The following MIB1 variants were observed in gnomAD, a reference collection of about 807,000 sequenced individuals.
The protein encoded by MIB1 is E3 ubiquitin-protein ligase MIB1.
MIB1 carries 278 observed loss-of-function variants against 124.5 expected under a neutral mutation model. The ratio of observed to expected loss-of-function variants is 2.23; its 90% CI spans 2.02 to 2.47. The LOEUF (loss-of-function observed/expected upper bound fraction) is 2.47, where lower values mean the gene tolerates loss of function less well. MIB1 is among the 30% of genes most tolerant of loss of function. The pLI is 0.00. For missense variants in MIB1, 957 were observed against 1,254.4 expected, an observed-to-expected ratio of 0.76 and a Z score of 3.58; for synonymous variants, 446 against 429.4, an observed-to-expected ratio of 1.04 and a Z score of -0.48.
intron 15 of MIB1, among the ~76,000 whole-genome samples, chr18:21,846,072 T>A (rs1318069501): frequency 6.6e-6 from 1 of 152,240 alleles, no homozygotes; most frequent in Non-Finnish European, 1.5e-5. Context: ...TCTTAATTAC[T>A]GTCTACATAA....
chr18:21,763,902 C>T (rs1443980065), intron 1 of MIB1, among the ~76,000 whole-genome samples: 2 of 152,040 alleles, frequency 1.3e-5, no homozygotes, highest in African/African-American at 2.4e-5. Context: ...CTTTTTTCTC[C>T]ACACTGCAGC....
intron 1 of MIB1, among the ~76,000 whole-genome samples, chr18:21,730,418 A>C (rs902089166): frequency 6.6e-6 from 1 of 152,176 alleles, no homozygotes; most frequent in Non-Finnish European, 1.5e-5. Flanking sequence ...AATAAAAAAA[A>C]TTGGCTGGGT....
chr18:21,742,568 C>T (rs80232519), intron 1 of MIB1, among the ~76,000 whole-genome samples: 3,271 of 152,136 alleles, frequency 0.022, 60 homozygotes, highest in Admixed American at 0.033. Context: ...GAGTCAGGGT[C>T]CTTGATTAGT....
At chr18:21,734,060 A>C (rs2040783969) in intron 1 of MIB1, among the ~76,000 whole-genome samples, 2 of 151,556 alleles carry the variant, frequency 1.3e-5, no homozygotes, top group South Asian at 2.1e-4. Context: ...TCTTCCATCT[A>C]AGCATCTAAG....
Position 21,765,761 on chromosome 18 carries a change from T to G in MIB1, c.230-11T>G, listed in dbSNP as rs1215194141. 1 of 1,609,128 alleles carries G rather than the reference T, an allele frequency of 6.2e-7. No individual in the cohort carries two copies. Among genetic ancestry groups the G allele is most frequent in the Non-Finnish European group, 8.5e-7 (1 of 1,176,808 alleles). Reference sequence around the variant, plus strand: ...TGTGATTAATCTGAGCATGTGTCCTTGTTTTAATAGGCATCAAGCATGATG... The same window carrying G: ...TGTGATTAATCTGAGCATGTGTCCTGGTTTTAATAGGCATCAAGCATGATG... On this transcript the variant is annotated splice_polypyrimidine_tract_variant and intron_variant, in intron 1 of 20. Transcript: ENST00000261537.
intron 13 of MIB1, among the ~76,000 whole-genome samples, chr18:21,838,854 A>G (rs1388487418): frequency 6.6e-6 from 1 of 152,208 alleles, no homozygotes; most frequent in African/African-American, 2.4e-5. Flanking sequence ...GTTGATACTT[A>G]AACAGTATGG....
exon 1 of MIB1, chr18:21,705,117 G>A (rs1251596616): frequency 1.9e-5 from 3 of 154,782 alleles, no homozygotes; most frequent in African/African-American, 7.2e-5. Flanking sequence ...GCAGTTTAGG[G>A]TGTCAGGTAA....
Position 21,819,621 on chromosome 18 carries a change from C to T in MIB1, c.1804C>T (p.His602Tyr). ...CAATAATGGATTTAATGCTCTGCAT[C>T]ATGCTGCACTAAGGGGAAATCCCAG... The part of the protein sequence containing the change: ...TNNNGFNALH[H>Y]AALRGNPSAM... Residue 602 changes from histidine to tyrosine, a missense_variant, in exon 12 of 21, where the codon CAT (histidine) becomes TAT (tyrosine). By Grantham distance (83) the His-to-Tyr change is moderately conservative. Coordinates refer to ENST00000261537, the MANE Select transcript of MIB1 (RefSeq NM_020774.4). The T allele has an allele frequency of 6.3e-7, 1 of 1,591,858 alleles. No individual in the cohort carries two copies. Among genetic ancestry groups the T allele is most frequent in the South Asian group, 1.2e-5 (1 of 85,538 alleles).
At chr18:21,725,919 A>T (rs945425209) in intron 1 of MIB1, among the ~76,000 whole-genome samples, 24 of 152,242 alleles carry the variant, frequency 1.6e-4, no homozygotes, top group African/African-American at 5.8e-4. Context: ...CTTTCTGATC[A>T]TAAGTAGTTA....
At chr18:21,713,612 CAAAAAAAA>C (rs57282241) in intron 1 of MIB1, among the ~76,000 whole-genome samples, 1 of 44,212 alleles carries the variant, frequency 2.3e-5, no homozygotes, top group Non-Finnish European at 4.7e-5. Flanking sequence ...GATTCTGTCT[CAAAAAAAA>C]AAAAAAAAAA....
chr18:21,795,183 T>C (rs914262140), intron 7 of MIB1, among the ~76,000 whole-genome samples: 2 of 149,804 alleles, frequency 1.3e-5, no homozygotes, highest in African/African-American at 4.9e-5. Flanking sequence ...ATTATTATTT[T>C]AGATCAAAAT....
At chr18:21,862,682 G>A (rs1433765640) in intron 20 of MIB1, among the ~76,000 whole-genome samples, 1 of 152,160 alleles carries the variant, frequency 6.6e-6, no homozygotes, top group African/African-American at 2.4e-5. Context: ...GGGGCCCTGA[G>A]TTGGTTCACT....
chr18:21,773,777 A>T, intron 4 of MIB1, 49 bp downstream of exon 4: 1 of 1,090,752 alleles, frequency 9.2e-7, no homozygotes, highest in Non-Finnish European at 1.4e-6. Context: ...TGGATGGGTG[A>T]ATAGCTCTTA....
chr18:21,732,607 C>G (rs1327494382), intron 1 of MIB1, among the ~76,000 whole-genome samples: 2 of 152,016 alleles, frequency 1.3e-5, no homozygotes, highest in Non-Finnish European at 1.5e-5. Context: ...TATTCATGAC[C>G]AGGCTGGTCA....
intron 20 of MIB1, among the ~76,000 whole-genome samples, chr18:21,860,074 T>C (rs1352332591): frequency 2.1e-5 from 3 of 141,160 alleles, no homozygotes; most frequent in African/African-American, 7.7e-5. Context: ...TTAACCTGGG[T>C]GTTGGTTATG....
At chr18:21,797,939 A>G (rs897331502) in intron 7 of MIB1, 145 bp from the exon 8 acceptor site, 2 of 641,026 alleles carry the variant, frequency 3.1e-6, no homozygotes, top group African/African-American at 1.8e-5. Flanking sequence ...TACTTATTCA[A>G]ATAACCCATT....
Position 21,844,224 on chromosome 18 carries a change from G to A in MIB1, c.2182G>A (p.Asp728Asn). ...AGATATGCAAGATGTGGGGAAGGTGGATGCTGCCTGGGAGCCATCCAAAAA... is the reference window on the plus strand; with the variant it reads ...AGATATGCAAGATGTGGGGAAGGTGAATGCTGCCTGGGAGCCATCCAAAAA... ...LQDMQDVGKV[D>N]AAWEPSKNTL... is the part of the protein sequence containing the mutation. Residue 728 changes from aspartate to asparagine, a missense_variant, in exon 15 of 21, where the codon GAT (aspartate) becomes AAT (asparagine). Asp to Asn is a conservative substitution (Grantham distance 23). Transcript: ENST00000261537. 1 of 1,614,118 alleles carries A rather than the reference G, an allele frequency of 6.2e-7. No individual in the cohort carries two copies. The highest frequency in any genetic ancestry group is 1.1e-5 in the South Asian group (1 of 91,080).
intron 4 of MIB1, among the ~76,000 whole-genome samples, chr18:21,776,639 G>C (rs1260204727): frequency 6.6e-6 from 1 of 152,114 alleles, no homozygotes; most frequent in Non-Finnish European, 1.5e-5. Flanking sequence ...CCTTGTAAAA[G>C]ATAAGTGGGA....
Position 21,858,561 on chromosome 18 carries a change from C to A in MIB1, c.2795C>A (p.Pro932Gln). The A allele has an allele frequency of 6.5e-7, 1 of 1,547,774 alleles. No homozygotes were observed. Among genetic ancestry groups the A allele is most frequent in the South Asian group, 1.1e-5 (1 of 87,684 alleles). Residue 932 changes from proline (P) to glutamine (Q), a missense_variant, in exon 20 of 21, where the codon CCA (proline) becomes CAA (glutamine). Transcript: ENST00000261537. ...TATATTATAGCAAGTGGGAATATTC[C>A]AGTATTACAAAAGGACAAGGATAAT... ...ATDDISSGNI[P>Q]VLQKDKDNTN...
Sources: allele counts gnomAD v4.1 joint callset (sites outside exome capture counted in the v4.1 genomes callset), GRCh38; gene constraint gnomAD v4.1.1; transcripts MANE v1.5; gene names NCBI Gene and HGNC (gene_info 2026-07-23, HGNC 2026-07-21).